JAKMIP2: variants seen among roughly 807,000 people sequenced by gnomAD.
JAKMIP2 encodes janus kinase and microtubule interacting protein 2.
In JAKMIP2, 25 loss-of-function variants were observed where a neutral mutation model predicts 115.0. The observed-to-expected ratio is 0.22, with a 90% CI of 0.16 to 0.30. JAKMIP2 has a LOEUF of 0.30. JAKMIP2 is among the 10% of genes least tolerant of loss of function. The pLI is 1.00. For synonymous variants in JAKMIP2, 334 were observed against 343.6 expected (o/e 0.97, Z 0.31); for missense variants, 642 against 957.6 (o/e 0.67, Z 4.35).
At chr5:147,630,485 A>G (rs1757306757) in intron 14 of JAKMIP2, among the ~76,000 whole-genome samples, 1 of 152,186 alleles carries the variant, frequency 6.6e-6, no homozygotes. Flanking sequence ...AGAAGTTTAA[A>G]CACCAGGACA....
chr5:147,734,314 A>G (rs1753839391), intron 1 of JAKMIP2, among the ~76,000 whole-genome samples: 3 of 152,184 alleles, frequency 2.0e-5, no homozygotes, highest in African/African-American at 7.2e-5. Flanking sequence ...ATGGAATGCT[A>G]TGCAGCCATA....
chr5:147,733,388 G>T (rs1312632497), intron 1 of JAKMIP2, among the ~76,000 whole-genome samples: 1 of 152,144 alleles, frequency 6.6e-6, no homozygotes, highest in East Asian at 1.9e-4. Flanking sequence ...TTTTGTGCTG[G>T]CACTTTCCAC....
intron 21 of JAKMIP2, among the ~76,000 whole-genome samples, chr5:147,597,420 C>A (rs533343489): frequency 2.6e-5 from 4 of 152,224 alleles, no homozygotes; most frequent in South Asian, 2.1e-4. Flanking sequence ...TTATGGTTAA[C>A]ACTGGAGAAA....
chr5:147,726,141 C>T (rs1356544525), intron 1 of JAKMIP2, among the ~76,000 whole-genome samples: 5 of 152,176 alleles, frequency 3.3e-5, no homozygotes, highest in Non-Finnish European at 7.3e-5. Context: ...TGCCCAGACA[C>T]CACATGCTGA....
chr5:147,594,479 T>A (rs530449380), intron 21 of JAKMIP2: 1 of 452,000 alleles, frequency 2.2e-6, no homozygotes, highest in African/African-American at 2.0e-5. Flanking sequence ...GTACTACAGG[T>A]ATGTGCCCCC....
chr5:147,733,878 G>A (rs1580852174), intron 1 of JAKMIP2, among the ~76,000 whole-genome samples: 1 of 152,138 alleles, frequency 6.6e-6, no homozygotes, highest in Non-Finnish European at 1.5e-5. Flanking sequence ...TGGGCACTTG[G>A]GTTGGTTCCA....
intron 1 of JAKMIP2, among the ~76,000 whole-genome samples, chr5:147,757,412 C>G (rs1055216156): frequency 6.6e-6 from 1 of 152,006 alleles, no homozygotes; most frequent in Non-Finnish European, 1.5e-5. Flanking sequence ...AAATGTGGTC[C>G]TTAAATTTTT....
At chr5:147,748,031 T>C (rs1754411475) in intron 1 of JAKMIP2, among the ~76,000 whole-genome samples, 2 of 152,210 alleles carry the variant, frequency 1.3e-5, no homozygotes, top group African/African-American at 4.8e-5. Context: ...ATTGACTGAA[T>C]GACTGAATGC....
chr5:147,725,148 G>A (rs79656936), intron 1 of JAKMIP2, among the ~76,000 whole-genome samples: 2,658 of 152,054 alleles, frequency 0.017, 44 homozygotes, highest in African/African-American at 0.036. Context: ...CACTCCCACC[G>A]TGCCATGATA....
chr5:147,589,273 C>T lies in JAKMIP2; in HGVS notation c.*2434G>A, dbSNP rs916191315. On this transcript the variant is annotated 3_prime_UTR_variant, in exon 22 of 22. Transcript: ENST00000616793. The stretch of plus-strand genomic sequence containing the variant: ...ACCAGCCTGACCAGCATAGTGAAAC[C>T]CTGTCTCTACTAAAAATACAAAAAT... The T allele has an allele frequency of 6.6e-6, 1 of 152,040 alleles. No individual in the cohort carries two copies. Among genetic ancestry groups the T allele is most frequent in the Non-Finnish European group, 1.5e-5 (1 of 68,096 alleles). 9.4% of individuals were successfully genotyped at this position (152,040 alleles called of 1,614,324 possible).
chr5:147,692,421 C>T (rs867655644), intron 1 of JAKMIP2, among the ~76,000 whole-genome samples: 5 of 152,200 alleles, frequency 3.3e-5, no homozygotes, highest in Admixed American at 2.6e-4. Context: ...TAATTTGTTA[C>T]AGCAGCTCTA....
chr5:147,621,819 A>G (rs1368448403), intron 17 of JAKMIP2, among the ~76,000 whole-genome samples: 1 of 152,212 alleles, frequency 6.6e-6, no homozygotes, highest in Admixed American at 6.5e-5. Context: ...ATAGGAATCC[A>G]CGACGTTTTC....
intron 3 of JAKMIP2, among the ~76,000 whole-genome samples, chr5:147,653,207 TC>T (rs1194525333): frequency 3.9e-5 from 6 of 152,312 alleles, no homozygotes; most frequent in African/African-American, 1.2e-4. Flanking sequence ...TGATTTATAT[TC>T]CTTTGGATGT....
intron 16 of JAKMIP2, among the ~76,000 whole-genome samples, chr5:147,625,026 G>C (rs1021946548): frequency 2.7e-4 from 41 of 151,978 alleles, no homozygotes; most frequent in African/African-American, 9.4e-4. Flanking sequence ...TGTCACCCAG[G>C]CTGGAGTGCA....
chr5:147,685,891 T>C (rs1290345931), intron 1 of JAKMIP2, among the ~76,000 whole-genome samples: 1 of 152,214 alleles, frequency 6.6e-6, no homozygotes, highest in Non-Finnish European at 1.5e-5. Context: ...GTATAGCTTC[T>C]ATAATCAGAA....
chr5:147,634,769 G>T (rs1757530233), intron 12 of JAKMIP2, among the ~76,000 whole-genome samples: 1 of 152,134 alleles, frequency 6.6e-6, no homozygotes, highest in Non-Finnish European at 1.5e-5. Flanking sequence ...AGCATGCAAA[G>T]CATGAGATAG....
intron 1 of JAKMIP2, among the ~76,000 whole-genome samples, chr5:147,757,565 C>T (rs917231962): frequency 6.6e-6 from 1 of 151,992 alleles, no homozygotes; most frequent in African/African-American, 2.4e-5. Flanking sequence ...TGTTCTTTAA[C>T]CTGGGCCCAG....
At chr5:147,622,591 T>G (rs188232860) in intron 17 of JAKMIP2, among the ~76,000 whole-genome samples, 25 of 152,350 alleles carry the variant, frequency 1.6e-4, no homozygotes, top group Non-Finnish European at 2.8e-4. Flanking sequence ...ACTTCCTTCC[T>G]TTTGAAGGCT....
intron 20 of JAKMIP2, among the ~76,000 whole-genome samples, chr5:147,607,290 G>C (rs947042268): frequency 1.3e-5 from 2 of 152,278 alleles, no homozygotes; most frequent in South Asian, 2.1e-4. Context: ...TGCCCATTCA[G>C]TATGATATTG....
Sources: gnomAD v4.1 joint callset for allele counts (sites outside exome capture counted in the v4.1 genomes callset) on GRCh38, gnomAD v4.1.1 for gene constraint, MANE v1.5 for transcripts, NCBI Gene and HGNC (gene_info 2026-07-23, HGNC 2026-07-21) for gene names.